The following PCGF3 variants were observed in gnomAD, a reference collection of about 807,000 sequenced individuals.
PCGF3 encodes polycomb group RING finger protein 3.
A neutral mutation model predicts 33.1 loss-of-function variants in PCGF3; 7 were observed. That is an observed-to-expected ratio of 0.21 (90% CI 0.12 to 0.40). PCGF3 has a LOEUF of 0.40. Ranked by LOEUF, PCGF3 falls within the 10% of genes least tolerant of loss-of-function variation. PCGF3 has a pLI of 1.00. For missense variants in PCGF3, 211 were observed against 313.3 expected (o/e 0.67, Z 2.46); for synonymous variants, 153 against 121.3 (o/e 1.26, Z -1.72).
At chr4:762,884 GTGA>G (rs2152624139) in intron 9 of PCGF3, 1 of 152,372 alleles carries the variant, frequency 6.6e-6, no homozygotes, top group African/African-American at 2.4e-5. Context: ...TATTTGGGTG[GTGA>G]TGCAGAGAAA....
At chr4:708,159 A>C (rs1448535046) in intron 1 of PCGF3, among the ~76,000 whole-genome samples, 2 of 152,112 alleles carry the variant, frequency 1.3e-5, no homozygotes, top group Non-Finnish European at 2.9e-5. Context: ...GACAGTGAGA[A>C]GGGCTCATGA....
rs1205545804 is a variant in PCGF3, at chr4:735,038, G to A, written c.206+11G>A. 6.2e-7 allele frequency: 1 copy of A among 1,609,816 alleles called. No individual in the cohort carries two copies. The highest frequency in any genetic ancestry group is 1.1e-5 in the South Asian group (1 of 90,256). ...CCTGCAGTACATCGGGTGAGTGTGG[G>A]CCTTCCCAGGCCACAGTACGTGGGG... On this transcript the variant is annotated intron_variant, in intron 5 of 10. Transcript: ENST00000362003.
chr4:725,396 A>G (rs1743282054), intron 1 of PCGF3, among the ~76,000 whole-genome samples: 2 of 152,358 alleles, frequency 1.3e-5, no homozygotes, highest in Admixed American at 1.3e-4. Flanking sequence ...TGGGGTGTGT[A>G]GGCTGCTGGG....
chr4:710,064 C>G (rs747462616), intron 1 of PCGF3, among the ~76,000 whole-genome samples: 2 of 152,118 alleles, frequency 1.3e-5, no homozygotes, highest in Non-Finnish European at 2.9e-5. Context: ...GTTTTTAGGC[C>G]GTGCTGAGTG....
chr4:734,629 C>T, intron 4 of PCGF3: 1 of 1,241,402 alleles, frequency 8.1e-7, no homozygotes, highest in East Asian at 3.6e-5. Context: ...AGCCCATGTT[C>T]TGATGACCCA....
At chr4:765,896 C>T (rs761820004) in intron 10 of PCGF3, 136 bp from the exon 11 acceptor site, 29 of 757,452 alleles carry the variant, frequency 3.8e-5, no homozygotes, top group Non-Finnish European at 6.4e-5. Context: ...TTGCTCAGAA[C>T]AGAAGGGTCT....
chr4:752,903 G>A (rs781604880), intron 8 of PCGF3, among the ~76,000 whole-genome samples: 3 of 152,256 alleles, frequency 2.0e-5, no homozygotes, highest in Non-Finnish European at 4.4e-5. Context: ...TGCCCTCCTG[G>A]TGCCCGTCTG....
chr4:735,605 G>T lies in PCGF3; in HGVS notation c.206+578G>T, dbSNP rs542861417. 7.2e-5 allele frequency among the ~76,000 whole-genome samples: 11 copies of T among 152,344 alleles called. No homozygotes were observed. In the South Asian group the frequency reaches 2.3e-3, roughly 32 times the overall value. On this transcript the variant is annotated intron_variant, in intron 5 of 10. Coordinates refer to ENST00000362003, the Ensembl canonical transcript of PCGF3. ...GTTGGAGAGCCCTCAAGACCAAGTT[G>T]AATCTCATGAGTTTTACGCAGAATT...
At chr4:727,614 A>G (rs1267093509) in intron 1 of PCGF3, among the ~76,000 whole-genome samples, 2 of 152,126 alleles carry the variant, frequency 1.3e-5, no homozygotes, top group African/African-American at 2.4e-5. Flanking sequence ...TGGGAAGATC[A>G]TGTGATTTTT....
intron 1 of PCGF3, among the ~76,000 whole-genome samples, chr4:711,796 A>G (rs1259486818): frequency 6.6e-6 from 1 of 151,882 alleles, no homozygotes; most frequent in Admixed American, 6.6e-5. Flanking sequence ...AGGCGTGTGT[A>G]ATTTTTCAAC....
intron 10 of PCGF3, 23 bp downstream of exon 10, chr4:765,087 C>G (rs1560221912): frequency 6.5e-7 from 1 of 1,537,226 alleles, no homozygotes; most frequent in Admixed American, 1.7e-5. Context: ...ATTTGATTTT[C>G]AGAGTCTGCT....
chr4:740,392 C>T (rs1203115851), intron 6 of PCGF3, among the ~76,000 whole-genome samples: 1 of 152,126 alleles, frequency 6.6e-6, no homozygotes, highest in Non-Finnish European at 1.5e-5. Context: ...TTTTAGAAAC[C>T]TGTCTTCGTA....
rs981232634 is a variant in PCGF3, at chr4:742,610, C to T, written c.263-864C>T. Among the ~76,000 whole-genome samples the T allele has an allele frequency of 1.6e-4, 25 of 152,196 alleles. 1 individual carries two copies. Among genetic ancestry groups the T allele is most frequent in the African/African-American group, 5.8e-4 (24 of 41,456 alleles). On this transcript the variant is annotated intron_variant, in intron 6 of 10. Coordinates refer to ENST00000362003, the Ensembl canonical transcript of PCGF3. ...AAGGTCACCCTTAGGGGGCCTTTGC[C>T]GAGAGTCTGTTTGCTTTTCCCTGGA...
At chr4:749,938 C>T (rs1268744918) in intron 8 of PCGF3, among the ~76,000 whole-genome samples, 1 of 152,236 alleles carries the variant, frequency 6.6e-6, no homozygotes, top group East Asian at 1.9e-4. Context: ...TCCAGAGTAG[C>T]AGACACTGTT....
intron 7 of PCGF3, 152 bp from the exon 8 acceptor site, chr4:744,448 C>T (rs569148386): frequency 3.3e-5 from 21 of 627,004 alleles, no homozygotes; most frequent in African/African-American, 3.1e-4. Flanking sequence ...AGACACTTTG[C>T]GGACGGCTTT....
chr4:735,646 T>C (rs1331491505), intron 5 of PCGF3, among the ~76,000 whole-genome samples: 1 of 152,238 alleles, frequency 6.6e-6, no homozygotes, highest in Non-Finnish European at 1.5e-5. Context: ...AAGTTAAATT[T>C]GATGTGAGCC....
intron 8 of PCGF3, among the ~76,000 whole-genome samples, chr4:755,092 C>T (rs886562843): frequency 6.6e-6 from 1 of 152,230 alleles, no homozygotes; most frequent in African/African-American, 2.4e-5. Flanking sequence ...GTAACGTACC[C>T]GCTTGATGGT....
At position 730,679 on chromosome 4, in the gene PCGF3, G is replaced by C. The variant is rs1206173771; in HGVS notation, c.-151+11G>C. On this transcript the variant is annotated intron_variant, in intron 2 of 10. Coordinates refer to ENST00000362003, the Ensembl canonical transcript of PCGF3. Reference sequence around the variant, plus strand: ...AGGCGTCGTGCTCAGGTAAGTGCGCGTAGGCCGACTGCCCTCTTCTTTCCG... The same window carrying C: ...AGGCGTCGTGCTCAGGTAAGTGCGCCTAGGCCGACTGCCCTCTTCTTTCCG... The C allele has an allele frequency of 2.7e-5, 6 of 218,246 alleles. No homozygotes were observed. In the Admixed American group the frequency reaches 2.9e-4, roughly 11 times the overall value. The allele number at this position is 218,246 out of a possible 1,614,324, so 13.5% of individuals were successfully genotyped here.
At chr4:761,940 G>C in intron 9 of PCGF3, 1 of 985,434 alleles carries the variant, frequency 1.0e-6, no homozygotes, top group Non-Finnish European at 1.2e-6. Flanking sequence ...GCTGGCGGCT[G>C]TGGGCAGGAG....
Sources: allele counts gnomAD v4.1 joint callset (sites outside exome capture counted in the v4.1 genomes callset), GRCh38; gene constraint gnomAD v4.1.1; transcripts MANE v1.5; gene names NCBI Gene and HGNC (gene_info 2026-07-23, HGNC 2026-07-21).